The following CASR variants were observed in gnomAD, a reference collection of about 807,000 sequenced individuals.
CASR encodes the protein extracellular calcium-sensing receptor.
A neutral mutation model predicts 69.1 loss-of-function variants in CASR; 23 were observed. That is an observed-to-expected ratio of 0.33 (90% CI 0.24 to 0.47). CASR has a LOEUF of 0.47. Among genes scored for constraint, CASR ranks in the 20% least tolerant of loss-of-function variants. The probability of loss-of-function intolerance (pLI) is 1.00; values close to 1 mark genes in which losing one functional copy is unlikely to be tolerated. For missense variants in CASR, 924 were observed against 1,356.1 expected (o/e 0.68, Z 5.00); for synonymous variants, 541 against 544.7 (o/e 0.99, Z 0.10).
Position 122,262,043 on chromosome 3 carries a change from G to C in CASR, c.1008G>C (p.Lys336Asn), listed in dbSNP as rs548403340. 6.2e-7 allele frequency: 1 copy of C among 1,614,166 alleles called. No homozygotes were observed. The highest frequency in any genetic ancestry group is 2.2e-5 in the East Asian group (1 of 44,886). ...CAGGCTTCCGGGAATTCCTGAAGAAGGTCCATCCCAGGAAGTCTGTCCACA... is the reference window on the plus strand; with the variant it reads ...CAGGCTTCCGGGAATTCCTGAAGAACGTCCATCCCAGGAAGTCTGTCCACA... ...QIPGFREFLK[K>N]VHPRKSVHNG... The change falls in exon 4 of 7, where the codon AAG (lysine) becomes AAC (asparagine). Residue 336 changes from lysine to asparagine, a missense_variant. Lys to Asn is a moderately conservative substitution (Grantham distance 94, BLOSUM62 0). Transcript: ENST00000639785.
At chr3:122,250,574 A>G (rs1388461557) in intron 1 of CASR, among the ~76,000 whole-genome samples, 2 of 152,322 alleles carry the variant, frequency 1.3e-5, no homozygotes, top group East Asian at 3.9e-4. Flanking sequence ...GAGTAAGCTG[A>G]ATATACAAAG....
chr3:122,287,730 G>C lies in CASR; in HGVS notation c.*2539G>C, dbSNP rs2074982615. ...TGGTCCCATCATGGGTTTCGTGGTG[G>C]TTTTCACGCATGCCTCACTGTCCTA... is the stretch of plus-strand genomic sequence containing the variant. On this transcript the variant is annotated 3_prime_UTR_variant, in exon 7 of 7. Coordinates refer to ENST00000639785, the MANE Select transcript of CASR (RefSeq NM_000388.4). The C allele has an allele frequency of 1.3e-5, 2 of 152,252 alleles. No homozygotes were observed. The highest frequency in any genetic ancestry group is 4.8e-5 in the African/African-American group (2 of 41,446). 9.4% of individuals were successfully genotyped at this position (152,252 alleles called of 1,614,324 possible). A position where few individuals can be genotyped will look rare whatever the true frequency, so the allele number is the denominator to read the frequency against.
chr3:122,260,839 T>C (rs1394695420), intron 3 of CASR, among the ~76,000 whole-genome samples: 2 of 152,180 alleles, frequency 1.3e-5, no homozygotes, highest in African/African-American at 4.8e-5. Flanking sequence ...AGTGGTCTAA[T>C]TGAGCCTAAA....
chr3:122,224,638 A>ATGCTATTCC (rs1482185016), intron 1 of CASR, among the ~76,000 whole-genome samples: 1 of 152,212 alleles, frequency 6.6e-6, no homozygotes, highest in African/African-American at 2.4e-5. Flanking sequence ...TACAGAGTTA[A>ATGCTATTCC]TGCTATTCCT....
intron 1 of CASR, among the ~76,000 whole-genome samples, chr3:122,232,289 A>G (rs768615064): frequency 5.3e-5 from 8 of 152,210 alleles, no homozygotes; most frequent in Non-Finnish European, 1.0e-4. Flanking sequence ...GGCTGCATAA[A>G]GAGCAAGAGG....
At chr3:122,206,651 G>A (rs1247048693) in intron 1 of CASR, among the ~76,000 whole-genome samples, 1 of 151,846 alleles carries the variant, frequency 6.6e-6, no homozygotes, top group Non-Finnish European at 1.5e-5. Context: ...GGTAGAGTTG[G>A]TATTAATTCT....
chr3:122,278,427 C>G (rs990786794), intron 5 of CASR, among the ~76,000 whole-genome samples: 17 of 152,202 alleles, frequency 1.1e-4, no homozygotes, highest in Admixed American at 9.8e-4. Context: ...GTGCTCCATT[C>G]CCTACACTGT....
intron 1 of CASR, among the ~76,000 whole-genome samples, chr3:122,193,565 T>A (rs550922834): frequency 6.6e-6 from 1 of 152,328 alleles, no homozygotes; most frequent in African/African-American, 2.4e-5. Flanking sequence ...AATAGTAATG[T>A]AATAAAATTA....
intron 1 of CASR, among the ~76,000 whole-genome samples, chr3:122,213,735 A>G (rs16832795): frequency 0.014 from 2,069 of 152,320 alleles, 47 homozygotes; most frequent in African/African-American, 0.048. Flanking sequence ...GGGTACAATT[A>G]CTAAGCCAGT....
In CASR at chr3:122,284,980, G is replaced by C. The variant is rs761030318; in HGVS notation, c.3026G>C (p.Arg1009Pro). 1 of 1,614,022 alleles carries C rather than the reference G, an allele frequency of 6.2e-7. No individual in the cohort carries two copies. Among genetic ancestry groups the C allele is most frequent in the Non-Finnish European group, 8.5e-7 (1 of 1,180,038 alleles). The change falls in exon 7 of 7, where the codon CGA becomes CCA. Residue 1009 changes from arginine to proline, a missense_variant. Arg to Pro is a moderately radical substitution (Grantham distance 103, BLOSUM62 -2). This residue lies in a region of CASR where 201 missense variants were observed against 228.8 expected (regional missense o/e 0.88). Transcript: ENST00000639785. ...EAQKSSDTLTRHEPLLPLQCG... is the reference protein window; with the variant it reads ...EAQKSSDTLTPHEPLLPLQCG... ...CAGAAAAGCAGCGATACGCTGACCC[G>C]ACACGAGCCATTACTCCCGCTGCAG...
chr3:122,197,420 A>G (rs1267206326), intron 1 of CASR, among the ~76,000 whole-genome samples: 1 of 152,122 alleles, frequency 6.6e-6, no homozygotes, highest in African/African-American at 2.4e-5. Context: ...ACCCTCACTC[A>G]CATTGTGAAG....
At chr3:122,194,161 C>T (rs555093727) in intron 1 of CASR, among the ~76,000 whole-genome samples, 78 of 152,276 alleles carry the variant, frequency 5.1e-4, no homozygotes, top group African/African-American at 1.8e-3. Flanking sequence ...TTGGAACCCC[C>T]TATCTCCTTA....
Position 122,286,222 on chromosome 3 carries a change from C to G in CASR, c.*1031C>G, listed in dbSNP as rs2074968020. 6.6e-6 allele frequency: 1 copy of G among 152,184 alleles called. No homozygotes were observed. The highest frequency in any genetic ancestry group is 2.4e-5 in the African/African-American group (1 of 41,436). The allele number at this position is 152,184 out of a possible 1,614,324, so 9.4% of individuals were successfully genotyped here. ...TCAAATGTCAGAGCTATGTTCCCTCCAGCAGTGGTATTAATACTGCCGGTC... is the reference window on the plus strand; with the variant it reads ...TCAAATGTCAGAGCTATGTTCCCTCGAGCAGTGGTATTAATACTGCCGGTC... On this transcript the variant is annotated 3_prime_UTR_variant, in exon 7 of 7. Transcript: ENST00000639785.
intron 1 of CASR, among the ~76,000 whole-genome samples, chr3:122,189,688 C>T (rs989943808): frequency 1.1e-4 from 17 of 152,172 alleles, no homozygotes; most frequent in African/African-American, 4.1e-4. Context: ...AATTTGACTT[C>T]TTCCTCCCAT....
At chr3:122,187,595 G>A (rs113217930) in intron 1 of CASR, among the ~76,000 whole-genome samples, 4,764 of 152,248 alleles carry the variant, frequency 0.031, 107 homozygotes, top group South Asian at 0.068. Context: ...ATAAGGGAAG[G>A]GAGTGGTCAA....
chr3:122,218,541 CAAAAAAAAAA>C (rs59428263), intron 1 of CASR, among the ~76,000 whole-genome samples: 83 of 106,318 alleles, frequency 7.8e-4, no homozygotes, highest in African/African-American at 2.9e-3. Flanking sequence ...GACTCTGTCT[CAAAAAAAAAA>C]AAAAAAAAAG....
At chr3:122,260,843 G>A (rs12485716) in intron 3 of CASR, among the ~76,000 whole-genome samples, 53,910 of 152,062 alleles carry the variant, frequency 0.35, 10,623 homozygotes, top group African/African-American at 0.53. Flanking sequence ...GTCTAATTGA[G>A]CCTAAAAGAA....
chr3:122,240,542 T>G (rs896618999), intron 1 of CASR, among the ~76,000 whole-genome samples: 2 of 152,130 alleles, frequency 1.3e-5, no homozygotes, highest in African/African-American at 2.4e-5. Flanking sequence ...ACAAATCAAA[T>G]ATTATTAGAG....
chr3:122,190,481 G>A lies in CASR; in HGVS notation c.-243+6669G>A, dbSNP rs56044989. Reference sequence around the variant, plus strand: ...CTCAGTTTGACAGCTCACTAGCTTCGTGACCTTGGGCAGGTTGTCCAACCT... The same window carrying A: ...CTCAGTTTGACAGCTCACTAGCTTCATGACCTTGGGCAGGTTGTCCAACCT... On this transcript the variant is annotated intron_variant, in intron 1 of 6. Transcript: ENST00000639785. 3.9e-5 allele frequency among the ~76,000 whole-genome samples: 6 copies of A among 152,270 alleles called. No homozygotes were observed. The East Asian group carries it at 5.8e-4, about 15-fold the overall frequency.
Sources: allele counts gnomAD v4.1 joint callset (sites outside exome capture counted in the v4.1 genomes callset), GRCh38; gene constraint gnomAD v4.1.1; regional missense constraint gnomAD v4.1.1; transcripts MANE v1.5; gene names NCBI Gene and HGNC (gene_info 2026-07-23, HGNC 2026-07-21).